CACNA2D3: variants seen among roughly 807,000 people sequenced by gnomAD.
CACNA2D3 encodes the protein calcium voltage-gated channel auxiliary subunit alpha2delta 3.
CACNA2D3 carries 60 observed loss-of-function variants against 160.6 expected under a neutral mutation model. That is an observed-to-expected ratio of 0.37 (90% CI 0.30 to 0.46). The LOEUF (loss-of-function observed/expected upper bound fraction) is 0.46. Among genes scored for constraint, CACNA2D3 ranks in the 20% least tolerant of loss-of-function variants. The pLI is 1.00. For synonymous variants in CACNA2D3, 558 were observed against 492.9 expected, an observed-to-expected ratio of 1.13 and a Z score of -1.75; for missense variants, 1,205 against 1,365.0, an observed-to-expected ratio of 0.88 and a Z score of 1.85.
At chr3:54,603,359 C>A (rs1703099903) in intron 9 of CACNA2D3, among the ~76,000 whole-genome samples, 1 of 152,222 alleles carries the variant, frequency 6.6e-6, no homozygotes, top group Non-Finnish European at 1.5e-5. Flanking sequence ...TACTACCTAC[C>A]AGGCTCTCTC....
intron 5 of CACNA2D3, among the ~76,000 whole-genome samples, chr3:54,513,991 C>T (rs140665748): frequency 1.3e-5 from 2 of 152,316 alleles, no homozygotes; most frequent in African/African-American, 4.8e-5. Context: ...TGTTTATATG[C>T]ACACTTTATA....
At chr3:54,448,522 A>G (rs559247505) in intron 4 of CACNA2D3, among the ~76,000 whole-genome samples, 9 of 152,300 alleles carry the variant, frequency 5.9e-5, no homozygotes, top group Admixed American at 5.2e-4. Context: ...GTTTCACCCA[A>G]AACACTGGAG....
intron 2 of CACNA2D3, among the ~76,000 whole-genome samples, chr3:54,133,732 T>C (rs1319573394): frequency 1.3e-5 from 2 of 152,234 alleles, no homozygotes; most frequent in East Asian, 3.8e-4. Flanking sequence ...CCTCCCCTCA[T>C]GTGGTCTGAC....
chr3:54,970,727 T>C (rs1326810792), intron 29 of CACNA2D3, among the ~76,000 whole-genome samples: 2 of 150,540 alleles, frequency 1.3e-5, no homozygotes, highest in East Asian at 2.0e-4. Context: ...AGTGTTTCCA[T>C]CTGCCTTATG....
intron 27 of CACNA2D3, among the ~76,000 whole-genome samples, chr3:54,901,004 T>G (rs1700318439): frequency 6.6e-6 from 1 of 152,202 alleles, no homozygotes; most frequent in Admixed American, 6.5e-5. Flanking sequence ...GCAGACCTAT[T>G]CTTAATCAGC....
chr3:54,615,883 A>G (rs1698839274), intron 9 of CACNA2D3, among the ~76,000 whole-genome samples: 2 of 152,218 alleles, frequency 1.3e-5, no homozygotes, highest in South Asian at 2.1e-4. Context: ...ATCAGCCAGC[A>G]GCATCATTTG....
chr3:54,367,147 A>G (rs1698840290), intron 3 of CACNA2D3, among the ~76,000 whole-genome samples: 1 of 152,188 alleles, frequency 6.6e-6, no homozygotes, highest in African/African-American at 2.4e-5. Flanking sequence ...TACCTTTTCT[A>G]ATAATTTTCT....
At chr3:54,790,682 T>C (rs557225270) in intron 13 of CACNA2D3, among the ~76,000 whole-genome samples, 1 of 152,216 alleles carries the variant, frequency 6.6e-6, no homozygotes, top group Admixed American at 6.5e-5. Context: ...TCTCAATCTC[T>C]CTATACCTAG....
intron 13 of CACNA2D3, among the ~76,000 whole-genome samples, chr3:54,795,336 CTAATT>C (rs1702846246): frequency 6.6e-6 from 1 of 151,954 alleles, no homozygotes; most frequent in African/African-American, 2.4e-5. Flanking sequence ...ATTTTAGCAG[CTAATT>C]TAAAGTCTGT....
chr3:54,427,085 T>C (rs1017118469), intron 4 of CACNA2D3, among the ~76,000 whole-genome samples: 1 of 152,116 alleles, frequency 6.6e-6, no homozygotes, highest in Admixed American at 6.6e-5. Context: ...TTTCTGTGTT[T>C]TGGACTGCAT....
At chr3:54,633,548 C>T (rs1417230425) in intron 10 of CACNA2D3, 2 of 152,078 alleles carry the variant, frequency 1.3e-5, no homozygotes, top group African/African-American at 4.8e-5. Context: ...CTAGTACATG[C>T]TTCTTCCCAC....
intron 2 of CACNA2D3, among the ~76,000 whole-genome samples, chr3:54,285,679 C>G (rs561440026): frequency 6.6e-6 from 1 of 152,326 alleles, no homozygotes; most frequent in East Asian, 1.9e-4. Flanking sequence ...GAGGCACCCC[C>G]CAGTAGGGGC....
intron 11 of CACNA2D3, among the ~76,000 whole-genome samples, chr3:54,730,535 C>T (rs1180073746): frequency 6.6e-6 from 1 of 152,144 alleles, no homozygotes; most frequent in Non-Finnish European, 1.5e-5. Context: ...TGGAGTCTCG[C>T]TCTGTCGCCC....
intron 25 of CACNA2D3, among the ~76,000 whole-genome samples, 183 bp downstream of exon 25, chr3:54,891,633 G>T (rs909057861): frequency 3.9e-5 from 6 of 152,206 alleles, no homozygotes; most frequent in Admixed American, 6.5e-5. Flanking sequence ...TCACCTGCCT[G>T]TTAGCCCTTC....
At chr3:55,006,079 G>A (rs991059316) in intron 32 of CACNA2D3, among the ~76,000 whole-genome samples, 2 of 152,182 alleles carry the variant, frequency 1.3e-5, no homozygotes, top group South Asian at 2.1e-4. Flanking sequence ...CAGCTTTTTA[G>A]TGAGACTCAC....
At chr3:54,127,894 A>C (rs893843187) in intron 2 of CACNA2D3, among the ~76,000 whole-genome samples, 4 of 151,158 alleles carry the variant, frequency 2.6e-5, no homozygotes, top group African/African-American at 9.7e-5. Context: ...TTTCGGTCTG[A>C]GCCTTTTTTG....
At chr3:54,288,005 CA>C (rs1440572309) in intron 2 of CACNA2D3, among the ~76,000 whole-genome samples, 2 of 150,358 alleles carry the variant, frequency 1.3e-5, no homozygotes. Context: ...CCTAACATCA[CA>C]AAAGAACTAG....
At chr3:54,684,167 GCCAGGCGGGTCTTGAACTCCTGAC>G (rs1172430263) in intron 11 of CACNA2D3, among the ~76,000 whole-genome samples, 1 of 151,916 alleles carries the variant, frequency 6.6e-6, no homozygotes, top group Admixed American at 6.6e-5. Context: ...CACCATGTTG[GCCAGGCGGGTCTTGAACTCCTGAC>G]CCATGTAATC....
intron 27 of CACNA2D3, among the ~76,000 whole-genome samples, chr3:54,921,133 A>G (rs898947964): frequency 6.6e-6 from 1 of 152,206 alleles, no homozygotes; most frequent in Non-Finnish European, 1.5e-5. Flanking sequence ...TGACAATGCA[A>G]GAAGCTCCAG....
Sources: gnomAD v4.1 joint callset for allele counts (sites outside exome capture counted in the v4.1 genomes callset) on GRCh38, gnomAD v4.1.1 for gene constraint, MANE v1.5 for transcripts, NCBI Gene and HGNC (gene_info 2026-07-23, HGNC 2026-07-21) for gene names.